Variants in PECAM1 observed in about 807,000 individuals in gnomAD.
PECAM1 encodes platelet and endothelial cell adhesion molecule 1.
A neutral mutation model predicts 13.8 loss-of-function variants in PECAM1; 8 were observed. That is an observed-to-expected ratio of 0.58 (90% CI 0.34 to 1.05). PECAM1 has a LOEUF of 1.05. Ranked by LOEUF, PECAM1 falls within the 50% of genes least tolerant of loss-of-function variation. The pLI, the probability that PECAM1 is intolerant of heterozygous loss-of-function variation, is 0.03. For synonymous variants in PECAM1, 136 were observed against 52.6 expected (o/e 2.58, Z -6.86); for missense variants, 304 against 141.2 (o/e 2.15, Z -5.84).
chr17:64,363,529 G>C, intron 5 of PECAM1, 132 bp from the exon 6 acceptor site: 1 of 461,534 alleles, frequency 2.2e-6, no homozygotes, highest in Non-Finnish European at 3.9e-6. Context: ...GTTTTCCTTT[G>C]CTTCTCATGT....
At chr17:64,376,407 A>G (rs1234119093) in intron 3 of PECAM1, among the ~76,000 whole-genome samples, 1 of 152,210 alleles carries the variant, frequency 6.6e-6, no homozygotes, top group Non-Finnish European at 1.5e-5. Context: ...TATTGGGAAG[A>G]GGACACAATC....
At chr17:64,371,700 G>A (rs1332365755) in intron 4 of PECAM1, among the ~76,000 whole-genome samples, 1 of 151,996 alleles carries the variant, frequency 6.6e-6, no homozygotes, top group Non-Finnish European at 1.5e-5. Flanking sequence ...CGTGGTGGCA[G>A]CCCCCTGTAA....
intron 14 of PECAM1, among the ~76,000 whole-genome samples, chr17:64,339,302 G>A (rs1462014046): frequency 6.6e-6 from 1 of 152,244 alleles, no homozygotes; most frequent in Non-Finnish European, 1.5e-5. Context: ...GCGTGATCTT[G>A]GGCAAGCGTC....
chr17:64,370,139 T>C lies in PECAM1; in HGVS notation c.692-114A>G, dbSNP rs2036207818. On this transcript the variant is annotated intron_variant, in intron 4 of 15. Transcript: ENST00000563924. Reference sequence around the variant, plus strand: ...CAAACTTCTATTGTTCCTAACTAACTTTAAAAATTCAACCTTTCTTCTCTA... The same window carrying C: ...CAAACTTCTATTGTTCCTAACTAACCTTAAAAATTCAACCTTTCTTCTCTA... 25 of 397,660 alleles carry C rather than the reference T, an allele frequency of 6.3e-5. No individual in the cohort carries two copies. The South Asian group carries it at 3.5e-3, about 56-fold the overall frequency. 24.6% of individuals were successfully genotyped at this position (397,660 alleles called of 1,614,324 possible).
At position 64,322,128 on chromosome 17, in the gene PECAM1, G is replaced by A. The variant is rs926187910; in HGVS notation, c.*1688C>T. 2.8e-5 allele frequency: 29 copies of A among 1,053,974 alleles called. No homozygotes were observed. The Admixed American group carries it at 1.1e-3, about 41-fold the overall frequency. The allele number at this position is 1,053,974 out of a possible 1,614,324, so 65.3% of individuals were successfully genotyped here. On this transcript the variant is annotated 3_prime_UTR_variant, in exon 16 of 16. Transcript: ENST00000563924. The stretch of plus-strand genomic sequence containing the variant: ...CTCACGCCTGCAATCCCAACCCAAA[G>A]GCCTGTGGAGCACACATGAGGACAA...
At chr17:64,380,153 G>A (rs1286377894) in intron 2 of PECAM1, among the ~76,000 whole-genome samples, 1 of 151,980 alleles carries the variant, frequency 6.6e-6, no homozygotes, top group Non-Finnish European at 1.5e-5. Context: ...CCAACATGGT[G>A]AAACCCTGTC....
At chr17:64,334,094 G>A (rs1362509260) in intron 14 of PECAM1, among the ~76,000 whole-genome samples, 1 of 148,204 alleles carries the variant, frequency 6.7e-6, no homozygotes, top group African/African-American at 2.5e-5. Context: ...AGGCAGCTGA[G>A]TGGAAGGCGC....
At chr17:64,336,866 GAAAGA>G (rs1217771565) in intron 14 of PECAM1, among the ~76,000 whole-genome samples, 3 of 126,144 alleles carry the variant, frequency 2.4e-5, no homozygotes, top group African/African-American at 8.5e-5. Context: ...TTACAAAAAA[GAAAGA>G]AAAGAAAAGA....
At chr17:64,384,037 A>C (rs1243359271) in intron 2 of PECAM1, among the ~76,000 whole-genome samples, 1 of 152,188 alleles carries the variant, frequency 6.6e-6, no homozygotes, top group East Asian at 1.9e-4. Context: ...AGGCTGAGGC[A>C]GGAGAATCAC....
intron 6 of PECAM1, among the ~76,000 whole-genome samples, chr17:64,361,268 C>A (rs1274581330): frequency 1.3e-5 from 2 of 151,894 alleles, no homozygotes; most frequent in Non-Finnish European, 2.9e-5. Flanking sequence ...GCCTCAGCCT[C>A]CCGAGTAGCT....
Position 64,321,387 on chromosome 17 carries a change from T to C in PECAM1, c.*2429A>G, listed in dbSNP as rs2034808601. 1 of 975,280 alleles carries C rather than the reference T, an allele frequency of 1.0e-6. No individual in the cohort carries two copies. The highest frequency in any genetic ancestry group is 1.2e-6 in the Non-Finnish European group (1 of 820,468). 60.4% of individuals were successfully genotyped at this position (975,280 alleles called of 1,614,324 possible). A position where few individuals can be genotyped will look rare whatever the true frequency, so the allele number is the denominator to read the frequency against. ...TCAGACAGACCTTTTAGCCATTAAA[T>C]CCACTAAGAAAGATCCCTGCGCATG... On this transcript the variant is annotated 3_prime_UTR_variant, in exon 16 of 16. Coordinates refer to ENST00000563924, the MANE Select transcript of PECAM1 (RefSeq NM_000442.5).
chr17:64,372,117 ACT>A (rs2036256275), intron 4 of PECAM1, among the ~76,000 whole-genome samples: 1 of 151,996 alleles, frequency 6.6e-6, no homozygotes, highest in Admixed American at 6.6e-5. Flanking sequence ...ACATTGAAAT[ACT>A]CTGTTAGGAC....
intron 6 of PECAM1, among the ~76,000 whole-genome samples, chr17:64,361,160 T>TGTGTGTA (rs2035968097): frequency 1.1e-4 from 16 of 148,154 alleles, no homozygotes; most frequent in East Asian, 6.1e-4. Context: ...TGTGTGTGTG[T>TGTGTGTA]TCTGAGACCG....
chr17:64,380,282 C>G (rs901689435), intron 2 of PECAM1, among the ~76,000 whole-genome samples: 1 of 151,986 alleles, frequency 6.6e-6, no homozygotes, highest in Admixed American at 6.6e-5. Flanking sequence ...GAGCTGAGAT[C>G]GCGCCATTGC....
chr17:64,340,868 C>A (rs1206303152), intron 14 of PECAM1, among the ~76,000 whole-genome samples: 1 of 152,032 alleles, frequency 6.6e-6, no homozygotes, highest in Non-Finnish European at 1.5e-5. Flanking sequence ...GAGGCCGAGG[C>A]GCGCGGATTA....
At chr17:64,342,523 G>A (rs8080988) in intron 13 of PECAM1, among the ~76,000 whole-genome samples, 130,437 of 152,154 alleles carry the variant, frequency 0.86, 59,617 homozygotes, top group East Asian at 1. Flanking sequence ...ACTCTTACAG[G>A]GATAGACAGC....
rs958596721 is a variant in PECAM1 at position 64,363,370 on chromosome 17, G to A, written c.995C>T (p.Ser332Phe). Residue 332 changes from serine to phenylalanine, a missense_variant, in exon 6 of 16, where the codon TCT (serine) becomes TTT (phenylalanine). Transcript: ENST00000563924. ...ACCTTGGTCCAGATGTGTGAAGGAA[G>A]ATTCCAGTTCGGGCTTGGAAAATAG... ...TELFSKPELESSFTHLDQGER... is the reference protein window; with the variant it reads ...TELFSKPELEFSFTHLDQGER... 20 of 475,446 alleles carry A rather than the reference G, an allele frequency of 4.2e-5. No individual in the cohort carries two copies. In the South Asian group the frequency reaches 1.2e-3, roughly 29 times the overall value. The allele number at this position is 475,446 out of a possible 1,614,324, so 29.5% of individuals were successfully genotyped here.
At chr17:64,338,925 G>T (rs2035354572) in intron 14 of PECAM1, among the ~76,000 whole-genome samples, 1 of 152,162 alleles carries the variant, frequency 6.6e-6, no homozygotes, top group African/African-American at 2.4e-5. Context: ...TGTTTCTCCT[G>T]TGTGATTTGC....
At chr17:64,368,209 T>A (rs2036156054) in intron 5 of PECAM1, among the ~76,000 whole-genome samples, 1 of 152,200 alleles carries the variant, frequency 6.6e-6, no homozygotes, top group Admixed American at 6.6e-5. Context: ...CCGGGCACTG[T>A]TCTAGGTGTT....
Sources: allele counts gnomAD v4.1 joint callset (sites outside exome capture counted in the v4.1 genomes callset), GRCh38; gene constraint gnomAD v4.1.1; transcripts MANE v1.5; gene names NCBI Gene and HGNC (gene_info 2026-07-23, HGNC 2026-07-21).